The following PFKFB2 variants were observed in gnomAD, a reference collection of about 807,000 sequenced individuals.
PFKFB2 encodes 6-phosphofructo-2-kinase/fructose-2,6-biphosphatase 2.
In PFKFB2, 53 loss-of-function variants were observed where a neutral mutation model predicts 68.0. The ratio of observed to expected loss-of-function variants is 0.78; its 90% CI spans 0.63 to 0.98. The LOEUF (loss-of-function observed/expected upper bound fraction) is 0.98. Ranked by LOEUF, PFKFB2 falls within the 50% of genes least tolerant of loss-of-function variation. The pLI, the probability that PFKFB2 is intolerant of heterozygous loss-of-function variation, is 0.00. For synonymous variants in PFKFB2, 222 were observed against 227.6 expected (o/e 0.98, Z 0.22); for missense variants, 451 against 642.0 (o/e 0.70, Z 3.22).
In PFKFB2 at chr1:207,070,458, G is replaced by T; in HGVS notation, c.1222+49G>T. On this transcript the variant is annotated intron_variant, in intron 12 of 14. Transcript: ENST00000367080. This position sits in a 1 kb window ranked among gnomAD's most constrained non-coding sequence, Gnocchi z 4.2. ...AGACACATCCAGTGGGAGAGGGCTG[G>T]ACTTGCAGTGGCACCAGGATTCCTG... 1 of 1,590,520 alleles carries T rather than the reference G, an allele frequency of 6.3e-7. No homozygotes were observed. Among genetic ancestry groups the T allele is most frequent in the South Asian group, 1.1e-5 (1 of 89,224 alleles).
upstream of PFKFB2, chr1:207,049,257 T>G (rs142322124): frequency 1.2e-5 from 19 of 1,614,000 alleles, 1 homozygote; most frequent in Middle Eastern, 1.6e-4. Context: ...TACGCTGAAG[T>G]GGATCATAGT....
upstream of PFKFB2, chr1:207,050,586 C>A (rs796705998): frequency 1.3e-6 from 2 of 1,518,414 alleles, no homozygotes; most frequent in African/African-American, 1.4e-5. Context: ...CAAAGCCCCC[C>A]CGCCGACTCA....
chr1:207,061,063 C>CTTAAATATATATAT (rs1683079085), intron 2 of PFKFB2: 1 of 87,176 alleles, frequency 1.1e-5, no homozygotes, highest in Non-Finnish European at 2.7e-5. Flanking sequence ...TTATATATAT[C>CTTAAATATATATAT]TTTATATATA....
chr1:207,045,629 T>G (rs190598841), intron 2 of PFKFB2: 8 of 152,348 alleles, frequency 5.3e-5, no homozygotes, highest in African/African-American at 1.9e-4. Context: ...TTGCTTAATC[T>G]TGCATACTTC....
Position 207,035,878 on chromosome 1 carries a change from T to C in PFKFB2, c.-62+1406T>C, listed in dbSNP as rs188283496. ...GAGGTGCTAACATGCGTACTCAGTA[T>C]ACATTTATTAATATTTATTTTATTT... On this transcript the variant is annotated intron_variant, in intron 1 of 5. Transcript: ENST00000545806. 1.0e-3 allele frequency among the ~76,000 whole-genome samples: 159 copies of C among 152,254 alleles called. 1 individual carries two copies. Among genetic ancestry groups the C allele is most frequent in the Middle Eastern group, 6.8e-3 (2 of 294 alleles).
intron 2 of PFKFB2, chr1:207,046,429 T>A (rs1682602698): frequency 6.6e-6 from 1 of 152,054 alleles, no homozygotes; most frequent in Non-Finnish European, 1.5e-5. Context: ...TCTGTGAGGC[T>A]TAAAAGCTTG....
upstream of PFKFB2, chr1:207,050,640 C>G: frequency 6.2e-7 from 1 of 1,603,962 alleles, no homozygotes; most frequent in Non-Finnish European, 8.5e-7. Context: ...TCTCACGCCC[C>G]TCTCCATCCT....
intron 2 of PFKFB2, chr1:207,061,026 T>C (rs2102346350): frequency 7.6e-6 from 1 of 132,184 alleles, no homozygotes; most frequent in East Asian, 2.0e-4. Flanking sequence ...ATTTAAGATA[T>C]ATATAAATAT....
At chr1:207,049,430 T>G, upstream of PFKFB2, 8 of 1,614,190 alleles carry the variant, frequency 5.0e-6, no homozygotes, top group Non-Finnish European at 6.8e-6. Context: ...TCCCTTTTGA[T>G]CCAGTCACAG....
chr1:207,061,285 A>T (rs1683110308), intron 2 of PFKFB2, among the ~76,000 whole-genome samples: 1 of 145,590 alleles, frequency 6.9e-6, no homozygotes, highest in African/African-American at 2.5e-5. Flanking sequence ...TCATTCTCCC[A>T]AATTGATGGG....
chr1:207,076,033 G>C lies in PFKFB2; in HGVS notation c.*3662G>C. 1 of 985,362 alleles carries C rather than the reference G, an allele frequency of 1.0e-6. No homozygotes were observed. Among genetic ancestry groups the C allele is most frequent in the Non-Finnish European group, 1.2e-6 (1 of 829,932 alleles). The allele number at this position is 985,362 out of a possible 1,614,324, so 61.0% of individuals were successfully genotyped here. A position where few individuals can be genotyped will look rare whatever the true frequency, so the allele number is the denominator to read the frequency against. Reference sequence around the variant, plus strand: ...GGATCTGCCCTATATCTTTGCCTCTGGTGTTTCGTTGTTGTTGTTATTGTT... The same window carrying C: ...GGATCTGCCCTATATCTTTGCCTCTCGTGTTTCGTTGTTGTTGTTATTGTT... On this transcript the variant is annotated 3_prime_UTR_variant, in exon 15 of 15. Coordinates refer to ENST00000367080, the MANE Select transcript of PFKFB2 (RefSeq NM_006212.2).
At chr1:207,051,073 T>G (rs1195868201), upstream of PFKFB2, 2 of 1,463,560 alleles carry the variant, frequency 1.4e-6, no homozygotes, top group East Asian at 5.0e-5. Flanking sequence ...GACGCTTCGG[T>G]GCGGCTTCTG....
chr1:207,054,744 GAAC>G lies in PFKFB2; in HGVS notation c.35_37del (p.Asn12del), dbSNP rs1463665200. 3.7e-6 allele frequency: 6 copies of G among 1,613,864 alleles called. No individual in the cohort carries two copies. The highest frequency in any genetic ancestry group is 1.6e-4 in the Middle Eastern group (1 of 6,062). On this transcript the variant is annotated inframe_deletion, in exon 2 of 15. Transcript: ENST00000367080. ...TGTCTGGGGCATCTTCCTCAGAACAGAACAACAACAGCTATGAAACCAAAACCC... is the reference window on the plus strand; with the variant it reads ...TGTCTGGGGCATCTTCCTCAGAACAGAACAACAGCTATGAAACCAAAACCC...
At chr1:207,050,724 C>T (rs745733013), upstream of PFKFB2, 2 of 1,613,322 alleles carry the variant, frequency 1.2e-6, no homozygotes, top group African/African-American at 1.3e-5. Flanking sequence ...ATGGTATCCC[C>T]ATTGCTGAGA....
chr1:207,064,967 T>G, intron 7 of PFKFB2, 69 bp from the exon 8 acceptor site: 1 of 1,526,632 alleles, frequency 6.6e-7, no homozygotes, highest in Non-Finnish European at 8.8e-7. Flanking sequence ...TTTTTAGCAG[T>G]GGCTATTTGT....
upstream of PFKFB2, chr1:207,051,039 G>A: frequency 6.7e-7 from 1 of 1,491,330 alleles, no homozygotes; most frequent in Non-Finnish European, 8.9e-7. Flanking sequence ...ATCGCGAGAA[G>A]TTGCGGGTGG....
At chr1:207,037,678 A>G (rs1040002657) in intron 1 of PFKFB2, among the ~76,000 whole-genome samples, 5 of 152,152 alleles carry the variant, frequency 3.3e-5, no homozygotes, top group Admixed American at 3.3e-4. Context: ...ACTTTTTCCT[A>G]CCAGTTGATT....
At chr1:207,077,910 T>C (rs1248718857), downstream of PFKFB2, 8 of 520,098 alleles carry the variant, frequency 1.5e-5, no homozygotes, top group Non-Finnish European at 2.5e-6. Flanking sequence ...TGCACAAGGA[T>C]TCAGACTCAG....
At chr1:207,049,259 G>T, upstream of PFKFB2, 1 of 1,614,068 alleles carries the variant, frequency 6.2e-7, no homozygotes, top group Non-Finnish European at 8.5e-7. Flanking sequence ...CGCTGAAGTG[G>T]ATCATAGTGG....
Sources: allele counts gnomAD v4.1 joint callset (sites outside exome capture counted in the v4.1 genomes callset), GRCh38; gene constraint gnomAD v4.1.1; non-coding constraint Gnocchi (gnomAD v3.1); transcripts MANE v1.5; gene names NCBI Gene and HGNC (gene_info 2026-07-23, HGNC 2026-07-21).